The following HEMK2 variants were observed in gnomAD, a reference collection of about 807,000 sequenced individuals.
HEMK2 encodes methyltransferase HEMK2.
At chr21:28,786,769 T>C in the HEMK2 span, among the ~76,000 whole-genome samples, 1 of 152,112 alleles carries the variant, frequency 6.6e-6, no homozygotes, top group Non-Finnish European at 1.5e-5. Flanking sequence ...TTAAAATCTA[T>C]TTTCAAAACT....
chr21:28,708,684 G>A, the HEMK2 span, among the ~76,000 whole-genome samples: 1 of 152,258 alleles, frequency 6.6e-6, no homozygotes, highest in African/African-American at 2.4e-5. Flanking sequence ...TAGCAAAAAA[G>A]GGTGTTAAAA....
chr21:28,643,807 T>A, the HEMK2 span, among the ~76,000 whole-genome samples: 1 of 152,212 alleles, frequency 6.6e-6, no homozygotes, highest in African/African-American at 2.4e-5. Flanking sequence ...CTGAATAGAC[T>A]AAGACACTAG....
chr21:28,866,624 T>C, the HEMK2 span, among the ~76,000 whole-genome samples: 1 of 151,914 alleles, frequency 6.6e-6, no homozygotes, highest in South Asian at 2.1e-4. Flanking sequence ...ATCCAGCTAC[T>C]TGGGAGGCTG....
chr21:28,807,539 T>TG, the HEMK2 span, among the ~76,000 whole-genome samples: 1 of 152,148 alleles, frequency 6.6e-6, no homozygotes, highest in South Asian at 2.1e-4. Context: ...TCTGGAGCTG[T>TG]GAGGGCCCCT....
At chr21:28,877,005 G>GAGGGAGGGAGGGAGGA in the HEMK2 span, among the ~76,000 whole-genome samples, 2 of 34,556 alleles carry the variant, frequency 5.8e-5, no homozygotes, top group African/African-American at 2.1e-4. Context: ...GGGAGGGAGG[G>GAGGGAGGGAGGGAGGA]AGGAAGGAAG....
chr21:28,764,406 G>A, the HEMK2 span, among the ~76,000 whole-genome samples: 3 of 151,844 alleles, frequency 2.0e-5, no homozygotes, highest in African/African-American at 7.3e-5. Flanking sequence ...TTCCACAGAG[G>A]CCCAAAAAAT....
At chr21:28,771,933 C>T in the HEMK2 span, among the ~76,000 whole-genome samples, 1 of 151,718 alleles carries the variant, frequency 6.6e-6, no homozygotes, top group African/African-American at 2.4e-5. Flanking sequence ...GAGTGGTTAC[C>T]CTGGAACATA....
At chr21:28,827,446 G>C in the HEMK2 span, among the ~76,000 whole-genome samples, 1 of 152,176 alleles carries the variant, frequency 6.6e-6, no homozygotes, top group Non-Finnish European at 1.5e-5. Flanking sequence ...GTGATTCTAA[G>C]ACTGTCAACA....
the HEMK2 span, among the ~76,000 whole-genome samples, chr21:28,790,016 T>C: frequency 6.6e-6 from 1 of 152,244 alleles, no homozygotes; most frequent in African/African-American, 2.4e-5. Flanking sequence ...TTTAACTTAC[T>C]TAGTTAACTA....
the HEMK2 span, among the ~76,000 whole-genome samples, chr21:28,590,662 T>G: frequency 1.3e-5 from 2 of 151,962 alleles, no homozygotes; most frequent in African/African-American, 4.8e-5. Flanking sequence ...ATCTGCCAAT[T>G]ATGAAGCAGC....
At chr21:28,690,187 T>A in the HEMK2 span, among the ~76,000 whole-genome samples, 1 of 152,164 alleles carries the variant, frequency 6.6e-6, no homozygotes, top group South Asian at 2.1e-4. Context: ...TTCAATTATC[T>A]CCACCTGGCC....
At chr21:28,661,869 A>C in the HEMK2 span, among the ~76,000 whole-genome samples, 1 of 152,218 alleles carries the variant, frequency 6.6e-6, no homozygotes, top group African/African-American at 2.4e-5. Flanking sequence ...ACATCTAAGT[A>C]ACCAAAGTGA....
the HEMK2 span, among the ~76,000 whole-genome samples, chr21:28,699,046 AATATT>A: frequency 6.6e-6 from 1 of 152,070 alleles, no homozygotes; most frequent in Admixed American, 6.6e-5. Flanking sequence ...TTCACCTCCT[AATATT>A]ATTTCATATT....
chr21:28,679,629 A>G, the HEMK2 span, among the ~76,000 whole-genome samples: 4 of 152,182 alleles, frequency 2.6e-5, no homozygotes, highest in African/African-American at 9.7e-5. Flanking sequence ...ACTTATTCCA[A>G]AATTGACCAC....
At chr21:28,716,594 T>A in the HEMK2 span, among the ~76,000 whole-genome samples, 2 of 152,162 alleles carry the variant, frequency 1.3e-5, no homozygotes, top group Non-Finnish European at 1.5e-5. Context: ...GATAAAAGCA[T>A]CCTATATGGA....
chr21:28,621,074 T>C, the HEMK2 span, among the ~76,000 whole-genome samples: 1 of 152,038 alleles, frequency 6.6e-6, no homozygotes, highest in Non-Finnish European at 1.5e-5. Flanking sequence ...ATTTTTTGTG[T>C]GTCTATCTTA....
At chr21:28,586,741 G>C in the HEMK2 span, among the ~76,000 whole-genome samples, 1 of 152,142 alleles carries the variant, frequency 6.6e-6, no homozygotes, top group African/African-American at 2.4e-5. Context: ...CTTAACACTG[G>C]ACAGTCCAAG....
chr21:28,876,338 A>G, the HEMK2 span: 1 of 1,305,898 alleles, frequency 7.7e-7, no homozygotes, highest in African/African-American at 1.5e-5. Flanking sequence ...GTTTCAAAAT[A>G]TGCTAAATGC....
chr21:28,744,996 A>C, the HEMK2 span, among the ~76,000 whole-genome samples: 1 of 152,242 alleles, frequency 6.6e-6, no homozygotes, highest in Non-Finnish European at 1.5e-5. Context: ...AGAGTCACAG[A>C]CAATTCAATT....
Sources: allele counts gnomAD v4.1 joint callset (sites outside exome capture counted in the v4.1 genomes callset), GRCh38; gene constraint gnomAD v4.1.1; transcripts MANE v1.5; gene names NCBI Gene and HGNC (gene_info 2026-07-23, HGNC 2026-07-21).